The following PAQR5 variants were observed in gnomAD, a reference collection of about 807,000 sequenced individuals.
The protein encoded by PAQR5 is progestin and adipoQ receptor family member 5.
A neutral mutation model predicts 34.5 loss-of-function variants in PAQR5; 20 were observed. That is an observed-to-expected ratio of 0.58 (90% CI 0.41 to 0.84). The LOEUF (loss-of-function observed/expected upper bound fraction) is 0.84, where lower values mean the gene tolerates loss of function less well. PAQR5 is among the 40% of genes least tolerant of loss of function. The pLI, the probability that PAQR5 is intolerant of heterozygous loss-of-function variation, is 0.00. For synonymous variants in PAQR5, 131 were observed against 155.6 expected (o/e 0.84, Z 1.18); for missense variants, 378 against 412.7 (o/e 0.92, Z 0.73).
In PAQR5 at chr15:69,355,372, C is replaced by T. The variant is rs535516918; in HGVS notation, c.-115-4594C>T. Among the ~76,000 whole-genome samples, 216 of 67,524 alleles carry T rather than the reference C, an allele frequency of 3.2e-3. 1 individual carries two copies. The highest frequency in any genetic ancestry group is 5.1e-3 in the Non-Finnish European group (178 of 34,624). The allele number at this position is 67,524 out of a possible 152,430, so 44.3% of individuals were successfully genotyped here. ...TCTTTCTTTCTTTCTTTCTTTCTTT[C>T]TTTCTTTCTTTCTTTCTCTTTCTTT... On this transcript the variant is annotated intron_variant, in intron 2 of 8. Coordinates refer to ENST00000395407, the MANE Select transcript of PAQR5 (RefSeq NM_017705.4).
In PAQR5 at chr15:69,300,909, C is replaced by CT. The variant is rs2053572348; in HGVS notation, c.-277+1855dup. ...TCTTTCTTTCTTCCTTCCTTCCTTC[C>CT]TTCCTTTCTCTCTCTCTCTCTCTCT... On this transcript the variant is annotated intron_variant, in intron 1 of 8. Transcript: ENST00000395407. 1.9e-4 allele frequency among the ~76,000 whole-genome samples: 4 copies of CT among 21,274 alleles called. 1 individual carries two copies. In the Admixed American group the frequency reaches 2.0e-3, roughly 11 times the overall value. 14.0% of individuals were successfully genotyped at this position (21,274 alleles called of 152,430 possible). A position where few individuals can be genotyped will look rare whatever the true frequency, so the allele number is the denominator to read the frequency against.
chr15:69,389,897 T>C (rs2056210634), intron 6 of PAQR5, 117 bp downstream of exon 6: 1 of 1,201,526 alleles, frequency 8.3e-7, no homozygotes, highest in Non-Finnish European at 1.2e-6. Flanking sequence ...CTTGGGAACC[T>C]AGGACTCCGT....
rs1404500118 is a variant in PAQR5 at position 69,300,714 on chromosome 15, T to C, written c.-277+1658T>C. Among the ~76,000 whole-genome samples the C allele has an allele frequency of 2.2e-3, 27 of 12,010 alleles. 5 individuals are homozygous for C. In the South Asian group the frequency reaches 0.035, roughly 16 times the overall value. The allele number at this position is 12,010 out of a possible 152,430, so 7.9% of individuals were successfully genotyped here. The stretch of plus-strand genomic sequence containing the variant: ...TCCCTCTCTCTCTCTCTTTCTTTCT[T>C]TCTTTCTTTCTTTCTTTCTTTCTTT... On this transcript the variant is annotated intron_variant, in intron 1 of 8. Coordinates refer to ENST00000395407, the MANE Select transcript of PAQR5 (RefSeq NM_017705.4).
chr15:69,315,293 A>C (rs1272886054), intron 1 of PAQR5, among the ~76,000 whole-genome samples: 1 of 152,178 alleles, frequency 6.6e-6, no homozygotes, highest in Non-Finnish European at 1.5e-5. Context: ...TGAGGAAATG[A>C]ATTCACTTTG....
Position 69,398,535 on chromosome 15 carries a change from T to A in PAQR5, c.609+971T>A, listed in dbSNP as rs193090584. Among the ~76,000 whole-genome samples the A allele has an allele frequency of 6.6e-4, 101 of 152,270 alleles. 1 individual carries two copies. Among genetic ancestry groups the A allele is most frequent in the Admixed American group, 3.3e-3 (50 of 15,296 alleles). On this transcript the variant is annotated intron_variant, in intron 7 of 8. Transcript: ENST00000395407. The stretch of plus-strand genomic sequence containing the variant: ...GTGAAGCTCCCTCCTAGAGGCAGCG[T>A]CCTGTGGGCTTGAAGAATAAAGCCC...
Position 69,399,396 on chromosome 15 carries a change from A to G in PAQR5, c.610-578A>G, listed in dbSNP as rs2140260223. Among the ~76,000 whole-genome samples, 3 of 152,244 alleles carry G rather than the reference A, an allele frequency of 2.0e-5. No homozygotes were observed. In the South Asian group the frequency reaches 6.2e-4, roughly 32 times the overall value. ...CACTTGCTTTTCTCTAGCTTACTTT[A>G]TTGTAAGAATACAATATATAATACC... is the stretch of plus-strand genomic sequence containing the variant. On this transcript the variant is annotated intron_variant, in intron 7 of 8. Coordinates refer to ENST00000395407, the MANE Select transcript of PAQR5 (RefSeq NM_017705.4).
chr15:69,313,664 G>A (rs1450948275), intron 1 of PAQR5, among the ~76,000 whole-genome samples: 1 of 152,204 alleles, frequency 6.6e-6, no homozygotes, highest in East Asian at 1.9e-4. Context: ...AGTCCACCAG[G>A]GAGGCCCCAT....
At chr15:69,315,200 C>A (rs147539538) in intron 1 of PAQR5, among the ~76,000 whole-genome samples, 1 of 152,108 alleles carries the variant, frequency 6.6e-6, no homozygotes, top group African/African-American at 2.4e-5. Context: ...GGCCTTCACA[C>A]GACTGCAACT....
intron 1 of PAQR5, among the ~76,000 whole-genome samples, chr15:69,320,672 C>A (rs62008448): frequency 0.091 from 13,782 of 152,182 alleles, 786 homozygotes; most frequent in Non-Finnish European, 0.13. Context: ...AATACACATT[C>A]TCATTCTAGT....
In PAQR5 at chr15:69,387,277, C is replaced by T. The variant is rs117119926; in HGVS notation, c.386-2377C>T. Among the ~76,000 whole-genome samples the T allele has an allele frequency of 2.0e-5, 3 of 152,300 alleles. No homozygotes were observed. The East Asian group carries it at 5.8e-4, about 29-fold the overall frequency. ...TAAGTGTGGGCATTTCTGGAGTAAT[C>T]GCTGCATGGCAAGCCCTGGTCCAGG... is the stretch of plus-strand genomic sequence containing the variant. On this transcript the variant is annotated intron_variant, in intron 5 of 8. Transcript: ENST00000395407.
chr15:69,381,236 G>C (rs1204215830), intron 4 of PAQR5, among the ~76,000 whole-genome samples: 1 of 152,214 alleles, frequency 6.6e-6, no homozygotes, highest in African/African-American at 2.4e-5. Context: ...CTCCTCCCTG[G>C]AGTGGCCAGG....
intron 1 of PAQR5, among the ~76,000 whole-genome samples, chr15:69,313,015 C>A (rs1036140979): frequency 3.3e-5 from 5 of 152,136 alleles, no homozygotes; most frequent in African/African-American, 1.2e-4. Flanking sequence ...AGTTATTTAC[C>A]TTTTTGAGAG....
At chr15:69,324,740 A>T (rs2140628804) in intron 1 of PAQR5, among the ~76,000 whole-genome samples, 1 of 151,828 alleles carries the variant, frequency 6.6e-6, no homozygotes, top group Middle Eastern at 3.4e-3. Flanking sequence ...GCCTCCTGCC[A>T]CTCCATACCC....
intron 2 of PAQR5, among the ~76,000 whole-genome samples, chr15:69,347,527 A>G (rs909248529): frequency 6.6e-6 from 1 of 152,184 alleles, no homozygotes; most frequent in East Asian, 1.9e-4. Context: ...TCCAGAAAAA[A>G]GTGGGCATCT....
At chr15:69,378,436 C>CAAAAAAAA (rs1235264927) in intron 3 of PAQR5, among the ~76,000 whole-genome samples, 1 of 52,524 alleles carries the variant, frequency 1.9e-5, no homozygotes. Context: ...GACCCTGTCT[C>CAAAAAAAA]AAAAAAAAAA....
At chr15:69,369,685 T>C (rs2055500506) in intron 3 of PAQR5, among the ~76,000 whole-genome samples, 1 of 152,102 alleles carries the variant, frequency 6.6e-6, no homozygotes, top group East Asian at 1.9e-4. Context: ...ACAAAAATAG[T>C]AGGGGCATGG....
intron 1 of PAQR5, among the ~76,000 whole-genome samples, chr15:69,305,689 A>G (rs1032994910): frequency 6.6e-6 from 1 of 150,790 alleles, no homozygotes; most frequent in African/African-American, 2.4e-5. Flanking sequence ...CAGGAAGTGA[A>G]TCAGCCCACC....
At chr15:69,358,633 A>ATTTTTTTCTT (rs2055144411) in intron 2 of PAQR5, among the ~76,000 whole-genome samples, 1 of 84,466 alleles carries the variant, frequency 1.2e-5, no homozygotes, top group Non-Finnish European at 2.1e-5. Context: ...GCTCTGTGGC[A>ATTTTTTTCTT]TTTTTTTTTT....
At position 69,379,868 on chromosome 15, in the gene PAQR5, C is replaced by A; in HGVS notation, c.52-15C>A. ...TCTGGTCTCACCTCAGTGTCCTTTT[C>A]CTTTGCCTCTGCAGGTGTTCCATGA... is the stretch of plus-strand genomic sequence containing the variant. On this transcript the variant is annotated splice_polypyrimidine_tract_variant and intron_variant, in intron 3 of 8. Coordinates refer to ENST00000395407, the MANE Select transcript of PAQR5 (RefSeq NM_017705.4). 6.2e-7 allele frequency: 1 copy of A among 1,612,188 alleles called. No individual in the cohort carries two copies. Among genetic ancestry groups the A allele is most frequent in the Non-Finnish European group, 8.5e-7 (1 of 1,179,474 alleles).
Sources: allele counts gnomAD v4.1 joint callset (sites outside exome capture counted in the v4.1 genomes callset), GRCh38; gene constraint gnomAD v4.1.1; transcripts MANE v1.5; gene names NCBI Gene and HGNC (gene_info 2026-07-23, HGNC 2026-07-21).